Variants in LRFN5 observed in about 807,000 individuals in gnomAD.
The protein encoded by LRFN5 is leucine-rich repeat and fibronectin type-III domain-containing protein 5.
Under a neutral mutation model 45.6 loss-of-function variants are expected in LRFN5, and 24 were observed. That is an observed-to-expected ratio of 0.53 (90% CI 0.38 to 0.74). The LOEUF (loss-of-function observed/expected upper bound fraction) is 0.74, where lower values mean the gene tolerates loss of function less well. Ranked by LOEUF, LRFN5 falls within the 30% of genes least tolerant of loss-of-function variation. The probability of loss-of-function intolerance (pLI) is 0.00; values close to 1 mark genes in which losing one functional copy is unlikely to be tolerated. For synonymous variants in LRFN5, 340 were observed against 313.8 expected (o/e 1.08, Z -0.88); for missense variants, 776 against 861.5 (o/e 0.90, Z 1.24).
chr14:41,877,804 C>CT, intron 2 of LRFN5, among the ~76,000 whole-genome samples: 1 of 152,054 alleles, frequency 6.6e-6, no homozygotes, highest in Non-Finnish European at 1.5e-5. Context: ...TCCTAACTCT[C>CT]TAAGTTTGGT....
intron 2 of LRFN5, among the ~76,000 whole-genome samples, chr14:41,798,389 A>G (rs1008282574): frequency 6.6e-6 from 1 of 151,966 alleles, no homozygotes; most frequent in Non-Finnish European, 1.5e-5. Context: ...TCCTCTCTAG[A>G]AAATTTAAGA....
rs192974315 is a variant in LRFN5, at chr14:41,736,239, C to T, written c.-196-30615C>T. Among the ~76,000 whole-genome samples the T allele has an allele frequency of 8.5e-4, 130 of 152,304 alleles. 1 individual carries two copies. Among genetic ancestry groups the T allele is most frequent in the African/African-American group, 2.4e-3 (101 of 41,574 alleles). ...TCCCACCAACAGTGTAATAGCGTTA[C>T]TATTTCTCCACAACCTCTCCAGCAT... On this transcript the variant is annotated intron_variant, in intron 1 of 5. Coordinates refer to ENST00000298119, the MANE Select transcript of LRFN5 (RefSeq NM_152447.5).
intron 1 of LRFN5, among the ~76,000 whole-genome samples, chr14:41,757,699 G>A (rs139889027): frequency 1.5e-3 from 233 of 152,272 alleles, no homozygotes; most frequent in African/African-American, 4.3e-3. Context: ...GACCCCTTGC[G>A]CTTGCCAGGT....
At chr14:41,611,013 G>C (rs576825590) in intron 1 of LRFN5, among the ~76,000 whole-genome samples, 24 of 152,206 alleles carry the variant, frequency 1.6e-4, no homozygotes, top group African/African-American at 5.8e-4. Flanking sequence ...TAGGTACTTG[G>C]AAAATAAGGT....
intron 1 of LRFN5, among the ~76,000 whole-genome samples, chr14:41,766,285 G>C (rs570454369): frequency 3.9e-4 from 59 of 152,260 alleles, no homozygotes; most frequent in African/African-American, 1.3e-3. Flanking sequence ...ACCTCAAAAA[G>C]AGGTTGAAAT....
intron 2 of LRFN5, among the ~76,000 whole-genome samples, chr14:41,808,378 A>G (rs113003483): frequency 5.6e-3 from 368 of 65,642 alleles, no homozygotes; most frequent in Middle Eastern, 0.023. Context: ...AGGAAGGGAA[A>G]GAAGGAAGGA....
intron 1 of LRFN5, among the ~76,000 whole-genome samples, chr14:41,669,171 T>C (rs1341381103): frequency 6.6e-6 from 1 of 152,036 alleles, no homozygotes; most frequent in Non-Finnish European, 1.5e-5. Context: ...GTAAAACATT[T>C]ATATGTAAAA....
At chr14:41,650,358 A>G (rs953438452) in intron 1 of LRFN5, among the ~76,000 whole-genome samples, 2 of 152,112 alleles carry the variant, frequency 1.3e-5, no homozygotes, top group Non-Finnish European at 2.9e-5. Flanking sequence ...AAAAAGACCA[A>G]TGAGGATATG....
intron 1 of LRFN5, among the ~76,000 whole-genome samples, chr14:41,734,712 T>C (rs1884350338): frequency 6.6e-6 from 1 of 152,042 alleles, no homozygotes; most frequent in Non-Finnish European, 1.5e-5. Flanking sequence ...CATTACATTC[T>C]GGTTAGTTTG....
At chr14:41,655,557 A>G (rs1172197575) in intron 1 of LRFN5, among the ~76,000 whole-genome samples, 2 of 152,000 alleles carry the variant, frequency 1.3e-5, no homozygotes, top group Non-Finnish European at 2.9e-5. Context: ...AGGATGGGAA[A>G]CCATTAGAAA....
intron 2 of LRFN5, among the ~76,000 whole-genome samples, chr14:41,832,182 G>T (rs1333713702): frequency 1.3e-5 from 2 of 152,066 alleles, no homozygotes; most frequent in Non-Finnish European, 2.9e-5. Context: ...GCTAGTCAGG[G>T]TTTCTTGCCT....
chr14:41,850,812 A>G (rs969444094), intron 2 of LRFN5, among the ~76,000 whole-genome samples: 1 of 151,722 alleles, frequency 6.6e-6, no homozygotes, highest in Non-Finnish European at 1.5e-5. Context: ...CCTCCATGCT[A>G]GAGACTATTT....
At chr14:41,788,345 G>T (rs181188538) in intron 2 of LRFN5, among the ~76,000 whole-genome samples, 1 of 149,324 alleles carries the variant, frequency 6.7e-6, no homozygotes, top group African/African-American at 2.5e-5. Context: ...CATTCTCCTT[G>T]TTCCATTGAT....
intron 1 of LRFN5, among the ~76,000 whole-genome samples, chr14:41,757,524 G>C (rs889588561): frequency 2.0e-5 from 3 of 152,226 alleles, no homozygotes; most frequent in Admixed American, 2.0e-4. Flanking sequence ...CTAGCAATGA[G>C]TGAGGCTCCG....
chr14:41,730,292 A>G (rs1030032069), intron 1 of LRFN5, among the ~76,000 whole-genome samples: 1 of 152,074 alleles, frequency 6.6e-6, no homozygotes, highest in Non-Finnish European at 1.5e-5. Flanking sequence ...GGTCCTTATC[A>G]TTTATCACCC....
chr14:41,784,367 C>T (rs1349370591), intron 2 of LRFN5, among the ~76,000 whole-genome samples: 1 of 151,950 alleles, frequency 6.6e-6, no homozygotes, highest in East Asian at 1.9e-4. Context: ...CTTAGGTTTT[C>T]ATGACCTTTT....
intron 4 of LRFN5, among the ~76,000 whole-genome samples, chr14:41,896,057 T>C (rs1890929476): frequency 6.6e-6 from 1 of 152,166 alleles, no homozygotes; most frequent in South Asian, 2.1e-4. Flanking sequence ...AAATATATCA[T>C]TTATAAAGCT....
chr14:41,610,841 T>C (rs908005169), intron 1 of LRFN5, among the ~76,000 whole-genome samples: 3 of 151,922 alleles, frequency 2.0e-5, no homozygotes, highest in African/African-American at 7.3e-5. Flanking sequence ...CTTAGAAATC[T>C]GATTTGTGTA....
At chr14:41,776,113 A>G (rs1886286055) in intron 2 of LRFN5, among the ~76,000 whole-genome samples, 1 of 152,228 alleles carries the variant, frequency 6.6e-6, no homozygotes, top group East Asian at 1.9e-4. Context: ...TATTTATCAT[A>G]ACATACATGT....
Sources: gnomAD v4.1 joint callset for allele counts (sites outside exome capture counted in the v4.1 genomes callset) on GRCh38, gnomAD v4.1.1 for gene constraint, MANE v1.5 for transcripts, NCBI Gene and HGNC (gene_info 2026-07-23, HGNC 2026-07-21) for gene names.